Variants in ATL1 observed in about 807,000 individuals in gnomAD.
ATL1 encodes the protein atlastin GTPase 1.
A neutral mutation model predicts 75.5 loss-of-function variants in ATL1; 31 were observed. The observed-to-expected ratio is 0.41, with a 90% CI of 0.31 to 0.55. ATL1 has a LOEUF of 0.55. ATL1 is among the 20% of genes least tolerant of loss of function. The probability of loss-of-function intolerance (pLI) is 0.27; values close to 1 mark genes in which losing one functional copy is unlikely to be tolerated. For missense variants in ATL1, 405 were observed against 662.6 expected (o/e 0.61, Z 4.27); for synonymous variants, 226 against 233.3 (o/e 0.97, Z 0.28).
chr14:50,621,829 T>C lies in ATL1; in HGVS notation c.991-14T>C, dbSNP rs1423030043. 4 of 1,528,862 alleles carry C rather than the reference T, an allele frequency of 2.6e-6. No homozygotes were observed. Among genetic ancestry groups the C allele is most frequent in the Non-Finnish European group, 3.6e-6 (4 of 1,105,690 alleles). The allele number at this position is 1,528,862 out of a possible 1,614,324, so 94.7% of individuals were successfully genotyped here. A position where few individuals can be genotyped will look rare whatever the true frequency, so the allele number is the denominator to read the frequency against. On this transcript the variant is annotated splice_polypyrimidine_tract_variant and intron_variant, in intron 9 of 13. Coordinates refer to ENST00000358385, the MANE Select transcript of ATL1 (RefSeq NM_015915.5). ...TGGAATTGCTTGAACATGAATCTTT[T>C]TCTTTTTTTTTAGGCTTATATAAAG...
At chr14:50,626,089 C>A (rs922807212) in intron 11 of ATL1, among the ~76,000 whole-genome samples, 2 of 152,178 alleles carry the variant, frequency 1.3e-5, no homozygotes, top group African/African-American at 4.8e-5. Context: ...TGACCTTATT[C>A]ATCAAAGAGC....
At chr14:50,604,184 C>G (rs1372476090) in intron 6 of ATL1, among the ~76,000 whole-genome samples, 5 of 152,118 alleles carry the variant, frequency 3.3e-5, no homozygotes, top group Non-Finnish European at 7.4e-5. Context: ...AGTTGAGAAA[C>G]TTACTCTTGG....
chr14:50,572,075 AT>A, intron 1 of ATL1: 1 of 537,324 alleles, frequency 1.9e-6, no homozygotes, highest in Non-Finnish European at 3.6e-6. Context: ...GTCTGCCACC[AT>A]TTAATTTCAG....
At chr14:50,629,019 T>G (rs2039551014) in intron 12 of ATL1, among the ~76,000 whole-genome samples, 1 of 152,180 alleles carries the variant, frequency 6.6e-6, no homozygotes, top group African/African-American at 2.4e-5. Context: ...AGCCTACTTT[T>G]TATTATTCTA....
intron 6 of ATL1, among the ~76,000 whole-genome samples, chr14:50,602,872 T>C (rs898286460): frequency 6.6e-6 from 1 of 152,134 alleles, no homozygotes; most frequent in Non-Finnish European, 1.5e-5. Context: ...GTTAGAATCA[T>C]TTCTGAGCCA....
intron 11 of ATL1, among the ~76,000 whole-genome samples, chr14:50,625,555 T>C (rs1448711158): frequency 1.3e-5 from 2 of 152,176 alleles, no homozygotes; most frequent in African/African-American, 4.8e-5. Flanking sequence ...ACAGGCTGAC[T>C]TTCTTGTAGC....
At chr14:50,595,747 T>A (rs562093734) in intron 6 of ATL1, 115 bp downstream of exon 6, 1 of 939,784 alleles carries the variant, frequency 1.1e-6, no homozygotes, top group South Asian at 1.4e-5. Context: ...GAAACCATTT[T>A]TGAACTATTT....
intron 1 of ATL1, among the ~76,000 whole-genome samples, chr14:50,566,553 T>C (rs1250696728): frequency 6.6e-6 from 1 of 152,220 alleles, no homozygotes; most frequent in African/African-American, 2.4e-5. Context: ...TATCTCATTG[T>C]AGTTTCAATC....
At chr14:50,604,600 C>G (rs2039300057) in intron 6 of ATL1, among the ~76,000 whole-genome samples, 2 of 152,004 alleles carry the variant, frequency 1.3e-5, no homozygotes, top group Non-Finnish European at 1.5e-5. Flanking sequence ...AAGGTAAGAA[C>G]TATATCCTTT....
At chr14:50,590,575 C>T (rs1477844830) in intron 2 of ATL1, among the ~76,000 whole-genome samples, 1 of 152,112 alleles carries the variant, frequency 6.6e-6, no homozygotes, top group Admixed American at 6.6e-5. Context: ...TCTTGCCTGA[C>T]CAATGGTTAG....
intron 5 of ATL1, among the ~76,000 whole-genome samples, chr14:50,594,870 A>G (rs1191552798): frequency 6.6e-6 from 1 of 151,938 alleles, no homozygotes; most frequent in Non-Finnish European, 1.5e-5. Context: ...GTGGTGGCGC[A>G]TGCCTGTGGT....
Position 50,536,234 on chromosome 14 carries a change from C to T in ATL1, c.-140+2867C>T, listed in dbSNP as rs181409514. Among the ~76,000 whole-genome samples, 46 of 152,252 alleles carry T rather than the reference C, an allele frequency of 3.0e-4. No individual in the cohort carries two copies. In the South Asian group the frequency reaches 4.6e-3, roughly 15 times the overall value. ...CCAAGGTGGGCGGATCATCTGAGGT[C>T]GGGAGTTTGAGACCAGCCTGACCAA... is the stretch of plus-strand genomic sequence containing the variant. On this transcript the variant is annotated intron_variant, in intron 1 of 13. Transcript: ENST00000441560.
Position 50,611,165 on chromosome 14 carries a change from C to A in ATL1, c.631-2094C>A, listed in dbSNP as rs570205012. Among the ~76,000 whole-genome samples, 9 of 152,188 alleles carry A rather than the reference C, an allele frequency of 5.9e-5. No homozygotes were observed. The South Asian group carries it at 1.5e-3, about 25-fold the overall frequency. ...GAGGACTGTTCAGAGAGAGAAAGAGCCTTAATGTCACTTAAGTGTCCCAAA... is the reference window on the plus strand; with the variant it reads ...GAGGACTGTTCAGAGAGAGAAAGAGACTTAATGTCACTTAAGTGTCCCAAA... On this transcript the variant is annotated intron_variant, in intron 6 of 13. Transcript: ENST00000358385.
chr14:50,548,660 C>G (rs2038664172), intron 1 of ATL1, among the ~76,000 whole-genome samples: 1 of 152,154 alleles, frequency 6.6e-6, no homozygotes, highest in African/African-American at 2.4e-5. Flanking sequence ...CAGGCACACA[C>G]CGCCACGCCC....
intron 11 of ATL1, among the ~76,000 whole-genome samples, chr14:50,625,439 A>G (rs2039508788): frequency 1.3e-5 from 2 of 152,230 alleles, no homozygotes. Context: ...GCCACGGTAA[A>G]CAGAGATTTT....
chr14:50,594,032 G>C, intron 5 of ATL1, 136 bp downstream of exon 5: 1 of 698,030 alleles, frequency 1.4e-6, no homozygotes, highest in East Asian at 2.9e-5. Flanking sequence ...CCAATTAGCT[G>C]CCTGGTAATT....
At chr14:50,621,327 T>G (rs908971823) in intron 9 of ATL1, among the ~76,000 whole-genome samples, 1 of 152,242 alleles carries the variant, frequency 6.6e-6, no homozygotes, top group Non-Finnish European at 1.5e-5. Flanking sequence ...TTTTTAAAAT[T>G]CATGTTTTGT....
chr14:50,560,810 T>C (rs2038833132), intron 1 of ATL1, among the ~76,000 whole-genome samples: 1 of 152,008 alleles, frequency 6.6e-6, no homozygotes, highest in Non-Finnish European at 1.5e-5. Flanking sequence ...GCTGGAACAA[T>C]GAGGCGGAGC....
intron 1 of ATL1, among the ~76,000 whole-genome samples, chr14:50,572,489 T>C (rs1241065564): frequency 2.0e-5 from 3 of 152,136 alleles, no homozygotes; most frequent in African/African-American, 7.2e-5. Context: ...ATAAGATTGT[T>C]CTAAGTTTTC....
Sources: gnomAD v4.1 joint callset for allele counts (sites outside exome capture counted in the v4.1 genomes callset) on GRCh38, gnomAD v4.1.1 for gene constraint, MANE v1.5 for transcripts, NCBI Gene and HGNC (gene_info 2026-07-23, HGNC 2026-07-21) for gene names.